ABCA1: variants seen among roughly 807,000 people sequenced by gnomAD.
The protein encoded by ABCA1 is ATP binding cassette subfamily A member 1, also known as phospholipid-transporting ATPase ABCA1.
In ABCA1, 133 loss-of-function variants were observed where a neutral mutation model predicts 262.5. That is an observed-to-expected ratio of 0.51 (90% CI 0.44 to 0.59). The LOEUF (loss-of-function observed/expected upper bound fraction) is 0.59. Ranked by LOEUF, ABCA1 falls within the 20% of genes least tolerant of loss-of-function variation. The pLI, the probability that ABCA1 is intolerant of heterozygous loss-of-function variation, is 0.00. For missense variants in ABCA1, 2,452 were observed against 2,777.5 expected, an observed-to-expected ratio of 0.88 and a Z score of 2.63; for synonymous variants, 1,022 against 1,043.5, an observed-to-expected ratio of 0.98 and a Z score of 0.40.
Position 104,785,442 on chromosome 9 carries a change from C to G in ABCA1, c.6599G>C (p.Arg2200Pro), listed in dbSNP as rs751669145. 6.2e-7 allele frequency: 1 copy of G among 1,613,984 alleles called. No individual in the cohort carries two copies. The highest frequency in any genetic ancestry group is 8.5e-7 in the Non-Finnish European group (1 of 1,179,950). ...IFSILSQSKKRLHIEDYSVSQ... is the reference protein window; with the variant it reads ...IFSILSQSKKPLHIEDYSVSQ... ...AACAGAGTAGTCTTCTATGTGGAGT[C>G]GCTTTTTGCTCTGGGAGAGGATGCT... Residue 2200 changes from arginine (R) to proline (P), a missense_variant, in exon 49 of 50, where the codon CGA (arginine) becomes CCA (proline). Around this residue, in one of 4 missense-constraint regions of ABCA1, gnomAD observed 752 missense variants for 944.5 expected, o/e 0.80. Coordinates refer to ENST00000374736, the MANE Select transcript of ABCA1 (RefSeq NM_005502.4).
intron 1 of ABCA1, among the ~76,000 whole-genome samples, chr9:104,915,900 T>G (rs1841813129): frequency 6.6e-6 from 1 of 151,830 alleles, no homozygotes; most frequent in Admixed American, 6.6e-5. Context: ...CAAAACGGAG[T>G]GCCATCTGGG....
At position 104,886,327 on chromosome 9, in the gene ABCA1, G is replaced by T. The variant is rs573482549; in HGVS notation, c.161-1759C>A. Among the ~76,000 whole-genome samples, 8 of 152,218 alleles carry T rather than the reference G, an allele frequency of 5.3e-5. No individual in the cohort carries two copies. In the South Asian group the frequency reaches 1.7e-3, roughly 32 times the overall value. On this transcript the variant is annotated intron_variant, in intron 3 of 49. Coordinates refer to ENST00000374736, the MANE Select transcript of ABCA1 (RefSeq NM_005502.4). ...GCTGCACTTTGCATTTCAATATAGGGTCTTTCTTTCTTTTCTATCCATACT... is the reference window on the plus strand; with the variant it reads ...GCTGCACTTTGCATTTCAATATAGGTTCTTTCTTTCTTTTCTATCCATACT...
chr9:104,910,377 C>T (rs1841420823), intron 1 of ABCA1, among the ~76,000 whole-genome samples: 1 of 152,218 alleles, frequency 6.6e-6, no homozygotes, highest in South Asian at 2.1e-4. Context: ...GAGCTGGTTT[C>T]TCAAGAAATA....
chr9:104,814,499 C>T (rs759756110), intron 25 of ABCA1, 24 bp from the exon 26 acceptor site: 3 of 1,611,082 alleles, frequency 1.9e-6, no homozygotes, highest in East Asian at 2.2e-5. Flanking sequence ...GAGATGAGAA[C>T]ATTATAAGCA....
chr9:104,822,594 A>G lies in ABCA1; in HGVS notation c.2730T>C (p.Asp910=), dbSNP rs142473861. The G allele has an allele frequency of 2.5e-4, 396 of 1,613,454 alleles. 1 individual carries two copies. In the African/African-American group the frequency reaches 4.8e-3, roughly 19 times the overall value. The change falls in exon 19 of 50, where the codon GAT becomes GAC. Residue 910 remains aspartate (D), a synonymous_variant. Coordinates refer to ENST00000374736, the MANE Select transcript of ABCA1 (RefSeq NM_005502.4). ...SIQNLVKVYR[D]GMKVAVDGLA... Reference sequence around the variant, plus strand: ...GGCCATCGACAGCCACCTTCATCCCATCTCGGTAGACTTTTACCAGGTTCT... The same window carrying G: ...GGCCATCGACAGCCACCTTCATCCCGTCTCGGTAGACTTTTACCAGGTTCT...
intron 23 of ABCA1, 130 bp downstream of exon 23, chr9:104,818,533 A>G (rs779092131): frequency 1.1e-4 from 95 of 881,072 alleles, no homozygotes; most frequent in Non-Finnish European, 1.8e-4. Flanking sequence ...TATGATTTCA[A>G]AGGGGCAACA....
At chr9:104,853,725 GTGA>G (rs1165622054) in intron 7 of ABCA1, among the ~76,000 whole-genome samples, 1 of 152,152 alleles carries the variant, frequency 6.6e-6, no homozygotes, top group African/African-American at 2.4e-5. Context: ...ACCCTAATAG[GTGA>G]TGCTTATTAT....
At chr9:104,846,676 G>A (rs1834921978) in intron 7 of ABCA1, among the ~76,000 whole-genome samples, 1 of 152,126 alleles carries the variant, frequency 6.6e-6, no homozygotes, top group Non-Finnish European at 1.5e-5. Context: ...AAGAAAACCT[G>A]CCTAAAGGTT....
chr9:104,927,774 A>T (rs1274189024), intron 1 of ABCA1, 161 bp downstream of exon 1: 1 of 152,352 alleles, frequency 6.6e-6, no homozygotes, highest in Non-Finnish European at 1.5e-5. Flanking sequence ...GTACTAGGAC[A>T]TCGTCTCCCC....
chr9:104,924,851 A>C (rs1842341495), intron 1 of ABCA1, among the ~76,000 whole-genome samples: 1 of 152,202 alleles, frequency 6.6e-6, no homozygotes, highest in South Asian at 2.1e-4. Context: ...TAAAAAAAAA[A>C]TTTAAATGGA....
intron 1 of ABCA1, among the ~76,000 whole-genome samples, chr9:104,906,617 A>G (rs558611260): frequency 5.9e-5 from 9 of 152,116 alleles, no homozygotes; most frequent in South Asian, 4.2e-4. Flanking sequence ...TCAGAACACA[A>G]TGATCAATAC....
At chr9:104,892,002 G>GT (rs1839799449) in intron 2 of ABCA1, among the ~76,000 whole-genome samples, 1 of 127,222 alleles carries the variant, frequency 7.9e-6, no homozygotes, top group Non-Finnish European at 1.6e-5. Flanking sequence ...AAAAAGTGAT[G>GT]TTTTTAATAC....
At chr9:104,824,204 G>T (rs1041057292) in intron 18 of ABCA1, among the ~76,000 whole-genome samples, 1 of 152,116 alleles carries the variant, frequency 6.6e-6, no homozygotes, top group African/African-American at 2.4e-5. Flanking sequence ...TTGGGAGGGG[G>T]CAAGTAAAAG....
intron 25 of ABCA1, 129 bp from the exon 26 acceptor site, chr9:104,814,604 T>C: frequency 1.1e-6 from 1 of 940,478 alleles, no homozygotes; most frequent in Non-Finnish European, 1.7e-6. Flanking sequence ...GCCACATTTC[T>C]TAATAACACT....
intron 5 of ABCA1, among the ~76,000 whole-genome samples, chr9:104,869,712 C>T (rs1837432487): frequency 6.6e-6 from 1 of 152,150 alleles, no homozygotes; most frequent in Non-Finnish European, 1.5e-5. Flanking sequence ...AGCCTAAGGA[C>T]ACCCATGCTG....
rs189440177 is a variant in ABCA1 at position 104,884,363 on chromosome 9, G to A, written c.302+64C>T. 1.1e-3 allele frequency: 1,811 copies of A among 1,600,068 alleles called. 20 individuals carry two copies. The highest frequency in any genetic ancestry group is 9.3e-3 in the South Asian group (842 of 90,580). On this transcript the variant is annotated intron_variant, in intron 4 of 49. Transcript: ENST00000374736. ...TCCAGCCATTCAAAATTCTCCAGAG[G>A]ACAAGAAAGGAAGGAAAAGGATTAA...
intron 47 of ABCA1, 109 bp from the exon 48 acceptor site, chr9:104,786,499 C>G: frequency 1.0e-6 from 1 of 980,274 alleles, no homozygotes; most frequent in Non-Finnish European, 1.6e-6. Context: ...TATTCTGTTA[C>G]AAGTACATGT....
intron 1 of ABCA1, among the ~76,000 whole-genome samples, chr9:104,912,565 T>C (rs1841564402): frequency 1.3e-5 from 2 of 152,182 alleles, no homozygotes; most frequent in African/African-American, 2.4e-5. Flanking sequence ...CCAGGATTTC[T>C]GAAAGCAGAT....
chr9:104,823,428 A>C (rs1468077446), intron 18 of ABCA1, among the ~76,000 whole-genome samples: 1 of 152,246 alleles, frequency 6.6e-6, no homozygotes, highest in African/African-American at 2.4e-5. Flanking sequence ...CTACAGTTAC[A>C]CATGCTGCTA....
Sources: gnomAD v4.1 joint callset for allele counts (sites outside exome capture counted in the v4.1 genomes callset) on GRCh38, gnomAD v4.1.1 for gene constraint, gnomAD v4.1.1 regional missense constraint, MANE v1.5 for transcripts, NCBI Gene and HGNC (gene_info 2026-07-23, HGNC 2026-07-21) for gene names.